Variants in ASCC3 observed in about 807,000 individuals in gnomAD.
ASCC3 encodes activating signal cointegrator 1 complex subunit 3.
A neutral mutation model predicts 256.3 loss-of-function variants in ASCC3; 158 were observed. The ratio of observed to expected loss-of-function variants is 0.62; its 90% CI spans 0.54 to 0.70. ASCC3 has a LOEUF of 0.70. ASCC3 is among the 30% of genes least tolerant of loss of function. The pLI is 0.00. For synonymous variants in ASCC3, 948 were observed against 883.4 expected (o/e 1.07, Z -1.30); for missense variants, 2,259 against 2,626.0 (o/e 0.86, Z 3.05).
At position 100,853,477 on chromosome 6, in the gene ASCC3, A is replaced by G. The variant is rs190313889; in HGVS notation, c.242-4770T>C. Among the ~76,000 whole-genome samples the G allele has an allele frequency of 8.0e-5, 11 of 137,294 alleles. No individual in the cohort carries two copies. In the East Asian group the frequency reaches 2.3e-3, roughly 29 times the overall value. The allele number at this position is 137,294 out of a possible 152,430, so 90.1% of individuals were successfully genotyped here. On this transcript the variant is annotated intron_variant, in intron 3 of 41. Transcript: ENST00000369162. ...TGCTCTGTCACCCAGGTTGGAGTGC[A>G]GTTTTGAGACGGAGTCTTGCTCTGT...
At chr6:100,743,755 A>G (rs1363360918) in intron 10 of ASCC3, among the ~76,000 whole-genome samples, 1 of 152,208 alleles carries the variant, frequency 6.6e-6, no homozygotes, top group Non-Finnish European at 1.5e-5. Flanking sequence ...CATTTATCAA[A>G]TATTTATTAT....
intron 30 of ASCC3, among the ~76,000 whole-genome samples, chr6:100,620,305 A>G (rs1234922271): frequency 6.6e-6 from 1 of 152,190 alleles, no homozygotes; most frequent in Non-Finnish European, 1.5e-5. Context: ...TAAACTTTTG[A>G]AACCACTGCA....
At chr6:100,839,230 C>G (rs1399590804) in intron 4 of ASCC3, among the ~76,000 whole-genome samples, 1 of 152,012 alleles carries the variant, frequency 6.6e-6, no homozygotes, top group Non-Finnish European at 1.5e-5. Flanking sequence ...CTTAAGAAAG[C>G]AAGATAATGG....
chr6:100,732,165 C>CAAAA (rs386408063), intron 10 of ASCC3, among the ~76,000 whole-genome samples: 38 of 105,046 alleles, frequency 3.6e-4, no homozygotes, highest in Non-Finnish European at 5.3e-4. Flanking sequence ...CGTCTCAAAA[C>CAAAA]AAAAAAAAAA....
At chr6:100,877,499 A>G (rs564209302) in intron 1 of ASCC3, among the ~76,000 whole-genome samples, 59 of 152,340 alleles carry the variant, frequency 3.9e-4, no homozygotes, top group African/African-American at 1.3e-3. Context: ...GAACTCAGAA[A>G]ATAACCATCG....
intron 37 of ASCC3, among the ~76,000 whole-genome samples, chr6:100,534,199 T>C (rs769494406): frequency 2.0e-5 from 3 of 152,124 alleles, no homozygotes; most frequent in Non-Finnish European, 4.4e-5. Flanking sequence ...GCCAAGATGG[T>C]GTCACTGCAC....
At chr6:100,634,917 G>A (rs1466133327) in intron 25 of ASCC3, among the ~76,000 whole-genome samples, 1 of 151,758 alleles carries the variant, frequency 6.6e-6, no homozygotes, top group African/African-American at 2.4e-5. Context: ...ACACATGTAG[G>A]TGAGGATGTG....
chr6:100,665,487 G>T (rs547666329), intron 14 of ASCC3, among the ~76,000 whole-genome samples: 2 of 152,142 alleles, frequency 1.3e-5, no homozygotes, highest in African/African-American at 4.8e-5. Context: ...CACTTTGGAA[G>T]GGTGAGGCAG....
intron 25 of ASCC3, among the ~76,000 whole-genome samples, chr6:100,635,441 G>T (rs957940573): frequency 1.4e-4 from 21 of 152,058 alleles, no homozygotes; most frequent in African/African-American, 5.1e-4. Context: ...GTGAGGATGG[G>T]GGAATGAGGA....
At chr6:100,847,710 T>A (rs1454238712) in intron 4 of ASCC3, among the ~76,000 whole-genome samples, 1 of 152,184 alleles carries the variant, frequency 6.6e-6, no homozygotes, top group Non-Finnish European at 1.5e-5. Flanking sequence ...ACAAGAAAAC[T>A]GAGCTTCTGA....
In ASCC3 at chr6:100,711,374, T is replaced by C. The variant is rs184105501; in HGVS notation, c.2151+4088A>G. 3.8e-3 allele frequency among the ~76,000 whole-genome samples: 577 copies of C among 152,328 alleles called. 5 individuals carry two copies. Among genetic ancestry groups the C allele is most frequent in the South Asian group, 0.032 (153 of 4,830 alleles). On this transcript the variant is annotated intron_variant, in intron 13 of 41. Coordinates refer to ENST00000369162, the MANE Select transcript of ASCC3 (RefSeq NM_006828.4). ...ACTATGTGTCCCACAGTAAAGTATT[T>C]ATATTTTAATTTCCATTAATTAAAA...
At chr6:100,635,987 T>C (rs1180201554) in intron 25 of ASCC3, among the ~76,000 whole-genome samples, 6 of 152,320 alleles carry the variant, frequency 3.9e-5, no homozygotes, top group African/African-American at 1.2e-4. Flanking sequence ...CTATGAATTG[T>C]AGAAATCTTA....
chr6:100,589,377 C>A (rs915813778), intron 36 of ASCC3, among the ~76,000 whole-genome samples: 1 of 151,930 alleles, frequency 6.6e-6, no homozygotes, highest in African/African-American at 2.4e-5. Flanking sequence ...TCAGGACAGT[C>A]CAGTTTACAT....
intron 4 of ASCC3, among the ~76,000 whole-genome samples, chr6:100,813,204 C>T (rs1210432496): frequency 6.6e-6 from 1 of 152,066 alleles, no homozygotes; most frequent in African/African-American, 2.4e-5. Context: ...GCCTGTAATC[C>T]CAGCACTTTG....
At chr6:100,789,682 C>T (rs1027750978) in intron 8 of ASCC3, among the ~76,000 whole-genome samples, 2 of 151,770 alleles carry the variant, frequency 1.3e-5, no homozygotes, top group African/African-American at 4.8e-5. Context: ...AAAGAGGTCC[C>T]TATAAGAAAA....
chr6:100,573,965 T>C (rs1001363724), intron 36 of ASCC3, among the ~76,000 whole-genome samples: 4 of 152,144 alleles, frequency 2.6e-5, no homozygotes, highest in Admixed American at 2.6e-4. Context: ...TGGTAACTCT[T>C]TGGGGGAGGA....
rs111711211 is a variant in ASCC3 at position 100,787,960 on chromosome 6, GT to G, written c.1395+10752del. 4.9e-3 allele frequency among the ~76,000 whole-genome samples: 715 copies of G among 145,710 alleles called. 5 individuals are homozygous for G. Among genetic ancestry groups the G allele is most frequent in the African/African-American group, 0.012 (465 of 40,094 alleles). On this transcript the variant is annotated intron_variant, in intron 8 of 41. Coordinates refer to ENST00000369162, the MANE Select transcript of ASCC3 (RefSeq NM_006828.4). Reference sequence around the variant, plus strand: ...ACATATGACCAAAAAGCATAATCGAGTTTTTTTTTTTGTTTATAGAATGAAC... The same window carrying G: ...ACATATGACCAAAAAGCATAATCGAGTTTTTTTTTTGTTTATAGAATGAAC...
At chr6:100,521,931 C>A (rs1052861542) in intron 37 of ASCC3, among the ~76,000 whole-genome samples, 6 of 152,158 alleles carry the variant, frequency 3.9e-5, no homozygotes, top group Admixed American at 1.3e-4. Context: ...ATGCTCCTCC[C>A]CAGACTGGGG....
At chr6:100,771,338 T>A (rs987148237) in intron 8 of ASCC3, among the ~76,000 whole-genome samples, 1 of 152,054 alleles carries the variant, frequency 6.6e-6, no homozygotes, top group African/African-American at 2.4e-5. Flanking sequence ...GAAGAAAACA[T>A]GGAAGAAATT....
Sources: gnomAD v4.1 joint callset for allele counts (sites outside exome capture counted in the v4.1 genomes callset) on GRCh38, gnomAD v4.1.1 for gene constraint, MANE v1.5 for transcripts, NCBI Gene and HGNC (gene_info 2026-07-23, HGNC 2026-07-21) for gene names.